The following PSMD1 variants were observed in gnomAD, a reference collection of about 807,000 sequenced individuals.
The protein encoded by PSMD1 is proteasome 26S subunit, non-ATPase 1, also known as 26S proteasome non-ATPase regulatory subunit 1.
In PSMD1, 18 loss-of-function variants were observed where a neutral mutation model predicts 119.0. That is an observed-to-expected ratio of 0.15 (90% CI 0.10 to 0.22). The LOEUF (loss-of-function observed/expected upper bound fraction) is 0.22, where lower values mean the gene tolerates loss of function less well. Among genes scored for constraint, PSMD1 ranks in the 10% least tolerant of loss-of-function variants. The pLI, the probability that PSMD1 is intolerant of heterozygous loss-of-function variation, is 1.00. For synonymous variants in PSMD1, 374 were observed against 396.6 expected, an observed-to-expected ratio of 0.94 and a Z score of 0.68; for missense variants, 702 against 1,158.5, an observed-to-expected ratio of 0.61 and a Z score of 5.72.
intron 16 of PSMD1, among the ~76,000 whole-genome samples, chr2:231,122,285 A>G (rs1695572176): frequency 6.6e-6 from 1 of 152,142 alleles, no homozygotes; most frequent in Non-Finnish European, 1.5e-5. Context: ...TTACTATCTG[A>G]TAATAGTTTT....
intron 12 of PSMD1, among the ~76,000 whole-genome samples, chr2:231,082,007 G>T (rs1431606165): frequency 6.6e-6 from 1 of 152,058 alleles, no homozygotes; most frequent in Admixed American, 6.6e-5. Context: ...AAAGAGAGTT[G>T]TCCTCTCTGC....
At position 231,146,309 on chromosome 2, in the gene PSMD1, G is replaced by T; in HGVS notation, c.2068G>T (p.Ala690Ser). ...VNYVRQGALI[A>S]SALIMIQQTE... is the part of the protein sequence containing the mutation. Reference sequence around the variant, plus strand: ...CTACGTGAGGCAAGGGGCACTCATAGCTTCAGCTCTCATCATGATCCAGCA... The same window carrying T: ...CTACGTGAGGCAAGGGGCACTCATATCTTCAGCTCTCATCATGATCCAGCA... The change falls in exon 18 of 25, where the codon GCT becomes TCT. Residue 690 changes from alanine to serine, a missense_variant. Physicochemically the swap from Ala to Ser is moderately conservative, Grantham distance 99. Around this residue, in one of 9 missense-constraint regions of PSMD1, gnomAD observed 272 missense variants for 511.6 expected, o/e 0.53. Transcript: ENST00000308696. 3 of 1,613,938 alleles carry T rather than the reference G, an allele frequency of 1.9e-6. No individual in the cohort carries two copies. The highest frequency in any genetic ancestry group is 2.5e-6 in the Non-Finnish European group (3 of 1,179,872).
chr2:231,059,220 T>C (rs537347196), intron 1 of PSMD1, among the ~76,000 whole-genome samples: 13 of 152,334 alleles, frequency 8.5e-5, no homozygotes, highest in African/African-American at 3.1e-4. Context: ...GATCATATAG[T>C]GTATATTTAT....
At chr2:231,101,276 T>C (rs1694861088) in intron 16 of PSMD1, among the ~76,000 whole-genome samples, 1 of 152,198 alleles carries the variant, frequency 6.6e-6, no homozygotes, top group African/African-American at 2.4e-5. Flanking sequence ...TCCCTTGTTA[T>C]CTAACCCTTG....
chr2:231,168,023 T>C (rs1413437855), intron 23 of PSMD1, among the ~76,000 whole-genome samples: 1 of 152,204 alleles, frequency 6.6e-6, no homozygotes, highest in Non-Finnish European at 1.5e-5. Context: ...GAGGCTGTAG[T>C]GCAATATGAT....
chr2:231,122,915 C>T (rs944436239), intron 16 of PSMD1, among the ~76,000 whole-genome samples: 14 of 152,110 alleles, frequency 9.2e-5, no homozygotes, highest in African/African-American at 3.1e-4. Context: ...TTATAATATA[C>T]AAACTATTAA....
chr2:231,066,909 A>T lies in PSMD1; in HGVS notation c.308A>T (p.Lys103Ile). ...NSEYVETIIA[K>I]CIDHYTKQCV... ...AGTTATTTTATTTCCTCAACAGCAAAATGCATTGATCACTACACCAAACAA... is the reference window on the plus strand; with the variant it reads ...AGTTATTTTATTTCCTCAACAGCAATATGCATTGATCACTACACCAAACAA... The change falls in exon 5 of 25, where the codon AAA (lysine) becomes ATA (isoleucine). Residue 103 changes from lysine (K) to isoleucine (I), a missense_variant. Lys to Ile is a moderately radical substitution (Grantham distance 102, BLOSUM62 -3). Coordinates refer to ENST00000308696, the MANE Select transcript of PSMD1 (RefSeq NM_002807.4). 1 of 1,589,366 alleles carries T rather than the reference A, an allele frequency of 6.3e-7. No individual in the cohort carries two copies. The highest frequency in any genetic ancestry group is 8.5e-7 in the Non-Finnish European group (1 of 1,171,584).
intron 6 of PSMD1, among the ~76,000 whole-genome samples, chr2:231,071,172 T>G (rs550732139): frequency 6.6e-6 from 1 of 152,156 alleles, no homozygotes; most frequent in African/African-American, 2.4e-5. Context: ...TTTTTAAAAC[T>G]GACATGAAAA....
At chr2:231,117,031 T>A (rs1276290423) in intron 16 of PSMD1, among the ~76,000 whole-genome samples, 2 of 152,038 alleles carry the variant, frequency 1.3e-5, no homozygotes, top group East Asian at 3.8e-4. Context: ...TTATAGAAAT[T>A]AAAAACAGTT....
At position 231,070,092 on chromosome 2, in the gene PSMD1, T is replaced by A; in HGVS notation, c.578T>A (p.Phe193Tyr). The change falls in exon 6 of 25, where the codon TTT (phenylalanine) becomes TAT (tyrosine). Residue 193 changes from phenylalanine (F) to tyrosine (Y), a missense_variant. Coordinates refer to ENST00000308696, the MANE Select transcript of PSMD1 (RefSeq NM_002807.4). ...ATGTCTTTAATGCAGAATAAACAGT[T>A]TCGGAATAAAGTACTAAGAGTTCTA... Reference protein sequence around the residue: ...LCMSLMQNKQFRNKVLRVLVK... With the variant: ...LCMSLMQNKQYRNKVLRVLVK... 2 of 1,579,300 alleles carry A rather than the reference T, an allele frequency of 1.3e-6. No individual in the cohort carries two copies. Among genetic ancestry groups the A allele is most frequent in the Non-Finnish European group, 1.7e-6 (2 of 1,166,556 alleles).
chr2:231,146,478 AAG>A (rs1275939895), intron 18 of PSMD1, 122 bp downstream of exon 18: 11 of 704,430 alleles, frequency 1.6e-5, no homozygotes, highest in African/African-American at 1.4e-4. Context: ...AGTAAAAGTA[AAG>A]AGAGCATTTT....
intron 19 of PSMD1, among the ~76,000 whole-genome samples, chr2:231,160,741 C>T (rs1042480674): frequency 2.6e-5 from 4 of 152,216 alleles, no homozygotes; most frequent in South Asian, 4.1e-4. Flanking sequence ...TTTTGAAAAA[C>T]GCCTGCCTAT....
In PSMD1 at chr2:231,146,275, C is replaced by A; in HGVS notation, c.2034C>A (p.Asp678Glu). The A allele has an allele frequency of 1.2e-6, 2 of 1,613,816 alleles. No homozygotes were observed. The highest frequency in any genetic ancestry group is 4.5e-5 in the East Asian group (2 of 44,848). ...AINLLEPMTN[D>E]PVNYVRQGAL... ...ATTTGCTAGAACCAATGACAAACGA[C>A]CCCGTGAACTACGTGAGGCAAGGGG... Residue 678 changes from aspartate to glutamate, a missense_variant, in exon 18 of 25, where the codon GAC (aspartate) becomes GAA (glutamate). By Grantham distance (45) the Asp-to-Glu change is conservative. Around this residue, in one of 9 missense-constraint regions of PSMD1, gnomAD observed 272 missense variants for 511.6 expected, o/e 0.53. Coordinates refer to ENST00000308696, the MANE Select transcript of PSMD1 (RefSeq NM_002807.4).
At position 231,139,573 on chromosome 2, in the gene PSMD1, AAAG is replaced by A. The variant is rs547387717; in HGVS notation, c.1998+741_1998+743del. Among the ~76,000 whole-genome samples, 485 of 144,288 alleles carry A rather than the reference AAAG, an allele frequency of 3.4e-3. 18 individuals carry two copies. The highest frequency in any genetic ancestry group is 1.0e-2 in the East Asian group (50 of 5,024). The allele number at this position is 144,288 out of a possible 152,430, so 94.7% of individuals were successfully genotyped here. ...ATTGATTTCTTAAAAAAAAAAAAAA[AAAG>A]AAGAAGAAGAAGAAGAAAATAAAAT... On this transcript the variant is annotated intron_variant, in intron 17 of 24. Transcript: ENST00000308696.
rs767899211 is a variant in PSMD1 at position 231,087,068 on chromosome 2, C to A, written c.1819-49C>A. 1.2e-5 allele frequency: 18 copies of A among 1,514,678 alleles called. No homozygotes were observed. The African/African-American group carries it at 2.3e-4, about 20-fold the overall frequency. 93.8% of individuals were successfully genotyped at this position (1,514,678 alleles called of 1,614,324 possible). On this transcript the variant is annotated intron_variant, in intron 15 of 24. Coordinates refer to ENST00000308696, the MANE Select transcript of PSMD1 (RefSeq NM_002807.4). ...TGCTGACCTCTCATGTCAGTTTGGT[C>A]TAGTGGTAGACTACATAGTATAATA...
At chr2:231,122,256 A>G (rs1695570926) in intron 16 of PSMD1, among the ~76,000 whole-genome samples, 2 of 152,112 alleles carry the variant, frequency 1.3e-5, no homozygotes, top group Admixed American at 1.3e-4. Context: ...GTTGATTTAA[A>G]ATGGAAGGTG....
rs753602272 is a variant in PSMD1, at chr2:231,070,018, C to T, written c.511-7C>T. ...ATAACGTTATATCTTTAAACTATCT[C>T]TTTCAGAATGATGTCCCAGGAATGT... is the stretch of plus-strand genomic sequence containing the variant. On this transcript the variant is annotated splice_region_variant and splice_polypyrimidine_tract_variant and intron_variant, in intron 5 of 24. Transcript: ENST00000308696. 1 of 1,428,312 alleles carries T rather than the reference C, an allele frequency of 7.0e-7. No homozygotes were observed. Among genetic ancestry groups the T allele is most frequent in the South Asian group, 1.6e-5 (1 of 61,030 alleles). 88.5% of individuals were successfully genotyped at this position (1,428,312 alleles called of 1,614,324 possible). A position where few individuals can be genotyped will look rare whatever the true frequency, so the allele number is the denominator to read the frequency against.
intron 19 of PSMD1, among the ~76,000 whole-genome samples, chr2:231,156,472 C>G (rs1696508520): frequency 6.6e-6 from 1 of 151,958 alleles, no homozygotes; most frequent in African/African-American, 2.4e-5. Flanking sequence ...GTTTCACTAC[C>G]CTAAAAATTC....
At chr2:231,155,597 C>A (rs1255559304) in intron 19 of PSMD1, among the ~76,000 whole-genome samples, 3 of 150,856 alleles carry the variant, frequency 2.0e-5, no homozygotes, top group Admixed American at 6.6e-5. Context: ...GTACTTTGTT[C>A]TTTTTTTGTA....
Sources: gnomAD v4.1 joint callset for allele counts (sites outside exome capture counted in the v4.1 genomes callset) on GRCh38, gnomAD v4.1.1 for gene constraint, gnomAD v4.1.1 regional missense constraint, MANE v1.5 for transcripts, NCBI Gene and HGNC (gene_info 2026-07-23, HGNC 2026-07-21) for gene names.